The following EPN3 variants were observed in gnomAD, a reference collection of about 807,000 sequenced individuals.
EPN3 encodes the protein epsin 3.
Under a neutral mutation model 55.5 loss-of-function variants are expected in EPN3, and 56 were observed. The observed-to-expected ratio is 1.01, with a 90% CI of 0.81 to 1.26. The LOEUF (loss-of-function observed/expected upper bound fraction) is 1.26. Among genes scored for constraint, EPN3 ranks in the 50% most tolerant of loss-of-function variants. The pLI is 0.00. For synonymous variants in EPN3, 449 were observed against 375.2 expected, an observed-to-expected ratio of 1.20 and a Z score of -2.27; for missense variants, 927 against 853.4, an observed-to-expected ratio of 1.09 and a Z score of -1.07.
At chr17:50,538,635 C>A (rs1233567237) in intron 3 of EPN3, 1 of 453,152 alleles carries the variant, frequency 2.2e-6, no homozygotes, top group Non-Finnish European at 4.0e-6. Context: ...CTGGGCCTCA[C>A]ACAGGAGGGC....
intron 1 of EPN3, chr17:50,534,668 G>A (rs902354259): frequency 9.1e-6 from 9 of 984,578 alleles, no homozygotes; most frequent in African/African-American, 3.5e-5. Flanking sequence ...CTGCGCTGTG[G>A]GCCAGGCACT....
chr17:50,538,129 C>CAT lies in EPN3; in HGVS notation c.614_615insTA (p.Gln205HisfsTer17). The CAT allele has an allele frequency of 6.2e-7, 1 of 1,614,032 alleles. No individual in the cohort carries two copies. The highest frequency in any genetic ancestry group is 8.5e-7 in the Non-Finnish European group (1 of 1,180,014). Reference sequence around the variant, plus strand: ...CTCCGACCTGGAGCAGGCCCGGCCTCAGACGTCAGGGGAAGAGGAACTGCA... The same window carrying CAT: ...CTCCGACCTGGAGCAGGCCCGGCCTCATAGACGTCAGGGGAAGAGGAACTGCA... On this transcript the variant is annotated frameshift_variant, in exon 3 of 10. Transcript: ENST00000268933. LOFTEE classifies it high-confidence loss of function.
At position 50,536,829 on chromosome 17, in the gene EPN3, G is replaced by C; in HGVS notation, c.273G>C (p.Arg91=). 1.2e-6 allele frequency: 2 copies of C among 1,614,064 alleles called. No homozygotes were observed. The highest frequency in any genetic ancestry group is 1.7e-6 in the Non-Finnish European group (2 of 1,180,016). The part of the protein sequence containing the change: ...LDYLLKTGSE[R]VAHQCRENLY... Reference sequence around the variant, plus strand: ...ACCTGCTCAAGACGGGCTCCGAGCGGGTGGCCCACCAGTGCCGCGAGAACC... The same window carrying C: ...ACCTGCTCAAGACGGGCTCCGAGCGCGTGGCCCACCAGTGCCGCGAGAACC... The change falls in exon 2 of 10, where the codon CGG becomes CGC. Residue 91 remains arginine (R), a synonymous_variant. Transcript: ENST00000268933.
At position 50,542,269 on chromosome 17, in the gene EPN3, G is replaced by C; in HGVS notation, c.*112G>C. 8.3e-7 allele frequency: 1 copy of C among 1,200,892 alleles called. No homozygotes were observed. Among genetic ancestry groups the C allele is most frequent in the Non-Finnish European group, 1.1e-6 (1 of 918,998 alleles). 74.4% of individuals were successfully genotyped at this position (1,200,892 alleles called of 1,614,324 possible). A position where few individuals can be genotyped will look rare whatever the true frequency, so the allele number is the denominator to read the frequency against. Reference sequence around the variant, plus strand: ...GCTAGTGGAACGCCGAGCCAGTGGCGGCTGGTATCCCGCGGCGGCTCTGGA... The same window carrying C: ...GCTAGTGGAACGCCGAGCCAGTGGCCGCTGGTATCCCGCGGCGGCTCTGGA... On this transcript the variant is annotated 3_prime_UTR_variant, in exon 10 of 10. Coordinates refer to ENST00000268933, the MANE Select transcript of EPN3 (RefSeq NM_017957.3).
At chr17:50,538,810 A>C (rs2034801998) in intron 3 of EPN3, 74 bp from the exon 4 acceptor site, 1 of 1,146,966 alleles carries the variant, frequency 8.7e-7, no homozygotes, top group Non-Finnish European at 1.2e-6. Flanking sequence ...CCCATGACCC[A>C]GGCAGGCCTA....
chr17:50,539,005 C>T (rs201213682), intron 4 of EPN3, 41 bp downstream of exon 4: 41 of 1,563,324 alleles, frequency 2.6e-5, no homozygotes, highest in Middle Eastern at 2.2e-4. Flanking sequence ...GCTGCTGCTG[C>T]TGCTGGTGGA....
chr17:50,542,073 C>T lies in EPN3; in HGVS notation c.1815C>T (p.Phe605=). The T allele has an allele frequency of 6.3e-7, 1 of 1,583,348 alleles. No homozygotes were observed. The highest frequency in any genetic ancestry group is 1.4e-5 in the African/African-American group (1 of 73,290). The change falls in exon 10 of 10, where the codon TTC becomes TTT. Residue 605 remains phenylalanine (F), a synonymous_variant. Coordinates refer to ENST00000268933, the MANE Select transcript of EPN3 (RefSeq NM_017957.3). ...GCGTCTTCCCGCAGGCCGGAGCCTT[C>T]GCACCGCAGCCGCTGCTGCCCACGC... ...SVSVFPQAGA[F]APQPLLPTPS... is the part of the protein sequence containing the mutation.
rs530900808 is a variant in EPN3, at chr17:50,541,239, G to C, written c.1260G>C (p.Ser420=). ...LETSDTPGGA[S]TFDPFAKPPE... is the part of the protein sequence containing the mutation. ...TCTCTCTCTTCCGAGGTGGTGCCTC[G>C]ACCTTTGACCCATTTGCCAAACCTC... The change falls in exon 8 of 10, where the codon TCG becomes TCC. Residue 420 remains serine, a synonymous_variant. Coordinates refer to ENST00000268933, the MANE Select transcript of EPN3 (RefSeq NM_017957.3). The C allele has an allele frequency of 6.2e-7, 1 of 1,613,578 alleles. No homozygotes were observed. Among genetic ancestry groups the C allele is most frequent in the African/African-American group, 1.3e-5 (1 of 74,990 alleles).
At chr17:50,541,748 C>T in intron 9 of EPN3, 54 bp downstream of exon 9, 1 of 1,607,676 alleles carries the variant, frequency 6.2e-7, no homozygotes, top group South Asian at 1.1e-5. Flanking sequence ...AGAGCCTAGC[C>T]TCCGCCGGAG....
chr17:50,541,417 G>C, intron 8 of EPN3, 47 bp from the exon 9 acceptor site: 1 of 1,609,190 alleles, frequency 6.2e-7, no homozygotes, highest in African/African-American at 1.3e-5. Flanking sequence ...CCCACGTCGG[G>C]CGCCAATCCC....
In EPN3 at chr17:50,538,864, A is replaced by ACC; in HGVS notation, c.682-17_682-16dup. 1 of 1,559,756 alleles carries ACC rather than the reference A, an allele frequency of 6.4e-7. No individual in the cohort carries two copies. The highest frequency in any genetic ancestry group is 8.7e-7 in the Non-Finnish European group (1 of 1,149,476). On this transcript the variant is annotated intron_variant, in intron 3 of 9. Coordinates refer to ENST00000268933, the MANE Select transcript of EPN3 (RefSeq NM_017957.3). ...AAGGTGGGGGTACAGGGCCAAGTTT[A>ACC]CCCCTCTCTTCCTCCGCAGCCTGTC...
In EPN3 at chr17:50,541,851, C is replaced by A. The variant is rs1371045960; in HGVS notation, c.1593C>A (p.Ser531Arg). 1 of 1,610,040 alleles carries A rather than the reference C, an allele frequency of 6.2e-7. No homozygotes were observed. Among genetic ancestry groups the A allele is most frequent in the Non-Finnish European group, 8.5e-7 (1 of 1,180,024 alleles). The change falls in exon 10 of 10, where the codon AGC becomes AGA. Residue 531 changes from serine (S) to arginine (R), a missense_variant. Coordinates refer to ENST00000268933, the MANE Select transcript of EPN3 (RefSeq NM_017957.3). ...GCCACTCTCGTTCTGCAGGTCTCAG[C>A]GCTCCGTCCCCCACCAACCCGTTCG... is the stretch of plus-strand genomic sequence containing the variant. ...KTRNPFLTGLSAPSPTNPFGA... is the reference protein window; with the variant it reads ...KTRNPFLTGLRAPSPTNPFGA...
At chr17:50,534,623 C>T (rs1268706645) in intron 1 of EPN3, 8 of 985,340 alleles carry the variant, frequency 8.1e-6, no homozygotes, top group African/African-American at 5.2e-5. Flanking sequence ...GCCCACGACC[C>T]GCTGGAAGGA....
At position 50,542,424 on chromosome 17, in the gene EPN3, T is replaced by C. The variant is rs999384905; in HGVS notation, c.*267T>C. The C allele has an allele frequency of 7.3e-6, 3 of 411,294 alleles. No individual in the cohort carries two copies. The highest frequency in any genetic ancestry group is 6.4e-5 in the African/African-American group (3 of 47,126). 25.5% of individuals were successfully genotyped at this position (411,294 alleles called of 1,614,324 possible). A position where few individuals can be genotyped will look rare whatever the true frequency, so the allele number is the denominator to read the frequency against. Reference sequence around the variant, plus strand: ...TGGCGGCCGGGTCTCGACCACAGCGTGGATCACCGGCTGTTTAGGAAACTG... The same window carrying C: ...TGGCGGCCGGGTCTCGACCACAGCGCGGATCACCGGCTGTTTAGGAAACTG... On this transcript the variant is annotated 3_prime_UTR_variant, in exon 10 of 10. Transcript: ENST00000268933.
In EPN3 at chr17:50,539,241, G is replaced by A. The variant is rs747840068; in HGVS notation, c.817G>A (p.Val273Met). The A allele has an allele frequency of 2.1e-5, 34 of 1,614,088 alleles. No homozygotes were observed. The highest frequency in any genetic ancestry group is 3.3e-4 in the Middle Eastern group (2 of 6,076). The change falls in exon 5 of 10, where the codon GTG becomes ATG. Residue 273 changes from valine (V) to methionine (M), a missense_variant. Physicochemically the swap from Val to Met is conservative, Grantham distance 21. Coordinates refer to ENST00000268933, the MANE Select transcript of EPN3 (RefSeq NM_017957.3). ...CCCCATGGCCAATGGTGCAGGGGCC[G>A]TGGTCCACCATCAGCGGGACAGAGA... ...GSPMANGAGA[V>M]VHHQRDREPE...
At chr17:50,540,458 T>C in intron 6 of EPN3, 124 bp downstream of exon 6, 2 of 906,346 alleles carry the variant, frequency 2.2e-6, no homozygotes, top group Non-Finnish European at 3.3e-6. Flanking sequence ...ACTCACCACC[T>C]TGAGCCTCCG....
At chr17:50,537,355 G>T in intron 2 of EPN3, 1 of 565,664 alleles carries the variant, frequency 1.8e-6, no homozygotes, top group South Asian at 2.2e-5. Flanking sequence ...TGATAGGATG[G>T]CGCGATAGTG....
At chr17:50,535,749 G>C (rs2034750264) in intron 1 of EPN3, among the ~76,000 whole-genome samples, 1 of 152,190 alleles carries the variant, frequency 6.6e-6, no homozygotes, top group Admixed American at 6.5e-5. Context: ...ATGGTGCCTG[G>C]CTCAGAAAAG....
chr17:50,541,537 G>C lies in EPN3; in HGVS notation c.1428G>C (p.Leu476=). ...CGAAGGAGCCAGATGCCCTGGACCT[G>C]GGCATACTAGGGGAAGCACTAACCC... ...NGTKEPDALD[L]GILGEALTQP... is the part of the protein sequence containing the mutation. Residue 476 remains leucine, a synonymous_variant, in exon 9 of 10, where the codon CTG becomes CTC. Transcript: ENST00000268933. 1 of 1,614,190 alleles carries C rather than the reference G, an allele frequency of 6.2e-7. No homozygotes were observed. Among genetic ancestry groups the C allele is most frequent in the Non-Finnish European group, 8.5e-7 (1 of 1,180,038 alleles).
Sources: allele counts gnomAD v4.1 joint callset (sites outside exome capture counted in the v4.1 genomes callset), GRCh38; gene constraint gnomAD v4.1.1; transcripts MANE v1.5; gene names NCBI Gene and HGNC (gene_info 2026-07-23, HGNC 2026-07-21).